FAM107B: variants seen among roughly 807,000 people sequenced by gnomAD.
FAM107B encodes family with sequence similarity 107 member B.
A neutral mutation model predicts 31.5 loss-of-function variants in FAM107B; 21 were observed. The ratio of observed to expected loss-of-function variants is 0.67; its 90% CI spans 0.47 to 0.96. FAM107B has a LOEUF of 0.96. FAM107B is among the 40% of genes least tolerant of loss of function. The pLI, the probability that FAM107B is intolerant of heterozygous loss-of-function variation, is 0.00. For missense variants in FAM107B, 452 were observed against 377.1 expected, an observed-to-expected ratio of 1.20 and a Z score of -1.64; for synonymous variants, 157 against 141.5, an observed-to-expected ratio of 1.11 and a Z score of -0.78.
intron 2 of FAM107B, among the ~76,000 whole-genome samples, chr10:14,558,145 A>G (rs1849862043): frequency 6.6e-6 from 1 of 152,196 alleles, no homozygotes. Context: ...TTGGGCATTC[A>G]TGACACAACC....
At chr10:14,712,781 T>C (rs536296378) in intron 1 of FAM107B, among the ~76,000 whole-genome samples, 1 of 152,276 alleles carries the variant, frequency 6.6e-6, no homozygotes, top group South Asian at 2.1e-4. Flanking sequence ...GTTTTTCATT[T>C]CTTTGTTTCT....
intron 1 of FAM107B, among the ~76,000 whole-genome samples, chr10:14,680,428 G>T (rs1292173100): frequency 1.3e-5 from 2 of 152,070 alleles, no homozygotes; most frequent in Admixed American, 1.3e-4. Context: ...ACAAAAATTA[G>T]CCAGGTGTGG....
At chr10:14,588,685 T>C (rs948136509) in intron 2 of FAM107B, among the ~76,000 whole-genome samples, 3 of 152,008 alleles carry the variant, frequency 2.0e-5, no homozygotes, top group African/African-American at 7.2e-5. Context: ...ACAGGGTGAC[T>C]TCTCACCTCC....
At chr10:14,741,965 C>T (rs939460930) in intron 1 of FAM107B, among the ~76,000 whole-genome samples, 17 of 152,064 alleles carry the variant, frequency 1.1e-4, no homozygotes, top group South Asian at 2.1e-4. Flanking sequence ...CCACCCACCT[C>T]GGTCTCCCAA....
At chr10:14,756,072 C>T (rs1832924376) in intron 1 of FAM107B, among the ~76,000 whole-genome samples, 1 of 152,110 alleles carries the variant, frequency 6.6e-6, no homozygotes. Flanking sequence ...GCACCTAGAG[C>T]AGGCCCTGGC....
intron 2 of FAM107B, among the ~76,000 whole-genome samples, chr10:14,606,696 TCTCC>T (rs1463221392): frequency 6.6e-6 from 1 of 151,876 alleles, no homozygotes; most frequent in Non-Finnish European, 1.5e-5. Context: ...TCTCTTCCTC[TCTCC>T]CTCCCTCCTT....
chr10:14,771,057 C>T (rs1833291442), intron 1 of FAM107B, among the ~76,000 whole-genome samples: 1 of 148,810 alleles, frequency 6.7e-6, no homozygotes, highest in Non-Finnish European at 1.5e-5. Flanking sequence ...TCAGTGCATC[C>T]AAAAGGGAAA....
chr10:14,692,804 G>T (rs943363248), intron 1 of FAM107B, among the ~76,000 whole-genome samples: 3 of 152,188 alleles, frequency 2.0e-5, no homozygotes, highest in Non-Finnish European at 2.9e-5. Flanking sequence ...TTGCTGCACG[G>T]GCCGGGGTTA....
chr10:14,772,551 G>C (rs530839118), intron 1 of FAM107B, among the ~76,000 whole-genome samples: 3 of 152,168 alleles, frequency 2.0e-5, no homozygotes, highest in African/African-American at 7.2e-5. Context: ...CTTGATTTCA[G>C]TGTTTGCATT....
At chr10:14,649,812 G>T (rs1411124742) in intron 2 of FAM107B, among the ~76,000 whole-genome samples, 1 of 152,168 alleles carries the variant, frequency 6.6e-6, no homozygotes, top group Non-Finnish European at 1.5e-5. Flanking sequence ...CTCATATTTG[G>T]CTCGGAATAC....
At chr10:14,522,333 G>A in intron 3 of FAM107B, 1 of 251,638 alleles carries the variant, frequency 4.0e-6, no homozygotes, top group Non-Finnish European at 7.6e-6. Context: ...GACTGTGATG[G>A]GTGCCCATGA....
At chr10:14,660,842 G>T (rs57882491) in intron 2 of FAM107B, among the ~76,000 whole-genome samples, 26,950 of 152,006 alleles carry the variant, frequency 0.18, 2,851 homozygotes, top group South Asian at 0.25. Flanking sequence ...CCATGGAAAG[G>T]AAAAAGGAAA....
chr10:14,685,720 C>G (rs1024241841), intron 1 of FAM107B, among the ~76,000 whole-genome samples: 2 of 152,126 alleles, frequency 1.3e-5, no homozygotes, highest in African/African-American at 4.8e-5. Context: ...TTGTAAGAAT[C>G]CTGGAGGTTA....
At chr10:14,686,744 T>G (rs7922285) in intron 1 of FAM107B, among the ~76,000 whole-genome samples, 26,681 of 152,072 alleles carry the variant, frequency 0.18, 2,605 homozygotes, top group South Asian at 0.3. Flanking sequence ...GGTGCCCAAA[T>G]GAACTTAAAA....
chr10:14,755,312 A>G lies in FAM107B; in HGVS notation c.411+18941T>C, dbSNP rs191252131. 4.6e-5 allele frequency among the ~76,000 whole-genome samples: 7 copies of G among 152,066 alleles called. No homozygotes were observed. In the South Asian group the frequency reaches 1.0e-3, roughly 23 times the overall value. ...AACTACCAGCCATAGAATCAAAAGT[A>G]AGATTCCCCACCTGAGGTCAGGAGT... On this transcript the variant is annotated intron_variant, in intron 1 of 4. Transcript: ENST00000181796.
chr10:14,636,541 C>CTA (rs1853504716), intron 2 of FAM107B, among the ~76,000 whole-genome samples: 1 of 152,284 alleles, frequency 6.6e-6, no homozygotes, highest in East Asian at 1.9e-4. Flanking sequence ...TCTTGTGTGT[C>CTA]TAAATATTCT....
intron 1 of FAM107B, among the ~76,000 whole-genome samples, chr10:14,767,221 G>C (rs1833201448): frequency 6.7e-6 from 1 of 149,804 alleles, no homozygotes; most frequent in African/African-American, 2.4e-5. Flanking sequence ...AGCCTCCTGA[G>C]TAGCTGGGAT....
At chr10:14,600,972 G>A (rs751196068) in intron 2 of FAM107B, among the ~76,000 whole-genome samples, 2 of 152,092 alleles carry the variant, frequency 1.3e-5, no homozygotes, top group Admixed American at 6.6e-5. Flanking sequence ...TCACTATGTT[G>A]CCCAGGCTGG....
At chr10:14,716,459 C>T (rs928981801) in intron 1 of FAM107B, among the ~76,000 whole-genome samples, 10 of 152,228 alleles carry the variant, frequency 6.6e-5, no homozygotes, top group African/African-American at 1.9e-4. Flanking sequence ...GCTGGCTTCC[C>T]CCAGAGCAAG....
Sources: allele counts gnomAD v4.1 joint callset (sites outside exome capture counted in the v4.1 genomes callset), GRCh38; gene constraint gnomAD v4.1.1; transcripts MANE v1.5; gene names NCBI Gene and HGNC (gene_info 2026-07-23, HGNC 2026-07-21).